Variants in KMT2C observed in about 807,000 individuals in gnomAD.
The protein encoded by KMT2C is histone-lysine N-methyltransferase 2C.
Under a neutral mutation model 507.9 loss-of-function variants are expected in KMT2C, and 88 were observed. The observed-to-expected ratio is 0.17, with a 90% CI of 0.15 to 0.21. KMT2C has a LOEUF of 0.21. KMT2C is among the 10% of genes least tolerant of loss of function. The pLI is 1.00. For missense variants in KMT2C, 4,954 were observed against 5,957.8 expected (o/e 0.83, Z 5.55); for synonymous variants, 2,049 against 2,080.8 (o/e 0.98, Z 0.42).
At chr7:152,281,781 C>G (rs2096216524) in intron 6 of KMT2C, among the ~76,000 whole-genome samples, 1 of 151,884 alleles carries the variant, frequency 6.6e-6, no homozygotes, top group Admixed American at 6.6e-5. Context: ...CATCTAACCA[C>G]CACCATTTCA....
intron 1 of KMT2C, among the ~76,000 whole-genome samples, chr7:152,431,964 A>G (rs1225493478): frequency 3.3e-5 from 5 of 152,208 alleles, no homozygotes; most frequent in Non-Finnish European, 5.9e-5. Flanking sequence ...AAAAGGAGAA[A>G]TTTTGTTGGG....
chr7:152,248,664 T>C, intron 13 of KMT2C, 44 bp from the exon 14 acceptor site: 1 of 1,314,860 alleles, frequency 7.6e-7, no homozygotes, highest in Non-Finnish European at 1.1e-6. Context: ...ACAAACAAAT[T>C]TTAAATTTTC....
chr7:152,343,106 A>G (rs73730044), intron 2 of KMT2C, among the ~76,000 whole-genome samples: 5,820 of 152,238 alleles, frequency 0.038, 383 homozygotes, highest in African/African-American at 0.13. Flanking sequence ...ATTACAAGGT[A>G]TACTAAAAAG....
intron 1 of KMT2C, among the ~76,000 whole-genome samples, chr7:152,369,062 C>T (rs751218649): frequency 1.3e-5 from 2 of 151,998 alleles, no homozygotes; most frequent in Non-Finnish European, 2.9e-5. Flanking sequence ...GTGGCTCACA[C>T]CTGTAATCCC....
rs1048886135 is a variant in KMT2C at position 152,156,249 on chromosome 7, G to A, written c.11768C>T (p.Thr3923Ile). 16 of 1,614,040 alleles carry A rather than the reference G, an allele frequency of 9.9e-6. No individual in the cohort carries two copies. Among genetic ancestry groups the A allele is most frequent in the Non-Finnish European group, 1.4e-5 (16 of 1,180,038 alleles). The change falls in exon 45 of 59, where the codon ACT becomes ATT. Residue 3923 changes from threonine (T) to isoleucine (I), a missense_variant. Physicochemically the swap from Thr to Ile is moderately conservative, Grantham distance 89 (BLOSUM62 -1). Transcript: ENST00000262189. ...CQKMANGFAT[T>I]EELAGKAGVL... Reference sequence around the variant, plus strand: ...TCCGGCTTTTCCAGCAAGTTCTTCAGTTGTTGCAAAACCATTGGCCATCTT... The same window carrying A: ...TCCGGCTTTTCCAGCAAGTTCTTCAATTGTTGCAAAACCATTGGCCATCTT...
At chr7:152,259,800 C>T (rs1439643606) in intron 9 of KMT2C, among the ~76,000 whole-genome samples, 4 of 152,214 alleles carry the variant, frequency 2.6e-5, no homozygotes, top group Admixed American at 6.5e-5. Context: ...ACTGATTTGT[C>T]CCAACATCTC....
At chr7:152,400,455 A>C (rs985727581) in intron 1 of KMT2C, among the ~76,000 whole-genome samples, 2 of 152,234 alleles carry the variant, frequency 1.3e-5, no homozygotes, top group Admixed American at 6.5e-5. Flanking sequence ...GGATAAAAGA[A>C]GGCTCTAAAG....
At chr7:152,314,031 T>C (rs543646356) in intron 4 of KMT2C, among the ~76,000 whole-genome samples, 1 of 152,274 alleles carries the variant, frequency 6.6e-6, no homozygotes, top group Middle Eastern at 3.4e-3. Context: ...CTTTTGATTA[T>C]TTTATTAAGA....
chr7:152,325,233 C>T (rs141804787), intron 3 of KMT2C, among the ~76,000 whole-genome samples: 40 of 151,844 alleles, frequency 2.6e-4, no homozygotes, highest in Admixed American at 8.5e-4. Flanking sequence ...CTCACTGCAA[C>T]GTCCACCTCC....
In KMT2C at chr7:152,336,550, T is replaced by C. The variant is rs570193906; in HGVS notation, c.251-5811A>G. 1.0e-3 allele frequency among the ~76,000 whole-genome samples: 156 copies of C among 152,262 alleles called. 1 individual carries two copies. Among genetic ancestry groups the C allele is most frequent in the African/African-American group, 3.7e-3 (152 of 41,548 alleles). On this transcript the variant is annotated intron_variant, in intron 2 of 58. Coordinates refer to ENST00000262189, the MANE Select transcript of KMT2C (RefSeq NM_170606.3). ...GATGCCAGTACTTAATTATCTCCAG[T>C]TTATTATTAAAAATGTACTCTTGAA...
At chr7:152,322,177 A>G (rs1563855295) in intron 3 of KMT2C, among the ~76,000 whole-genome samples, 1 of 151,926 alleles carries the variant, frequency 6.6e-6, no homozygotes, top group East Asian at 1.9e-4. Flanking sequence ...AGCCTGGGCA[A>G]CATGGTGAAA....
At chr7:152,421,331 C>T (rs1249814789) in intron 1 of KMT2C, among the ~76,000 whole-genome samples, 1 of 152,184 alleles carries the variant, frequency 6.6e-6, no homozygotes, top group East Asian at 1.9e-4. Context: ...GTCAAAAGCA[C>T]TTTGGGGATT....
chr7:152,362,289 G>C (rs2097203408), intron 1 of KMT2C, among the ~76,000 whole-genome samples: 1 of 152,132 alleles, frequency 6.6e-6, no homozygotes, highest in Non-Finnish European at 1.5e-5. Context: ...CAAAATTCTT[G>C]AGATGAGAGC....
In KMT2C at chr7:152,313,607, AC is replaced by A. The variant is rs535139474; in HGVS notation, c.590+1530del. 1.7e-3 allele frequency among the ~76,000 whole-genome samples: 254 copies of A among 152,282 alleles called. 1 individual carries two copies. The highest frequency in any genetic ancestry group is 5.6e-3 in the African/African-American group (232 of 41,588). On this transcript the variant is annotated intron_variant, in intron 4 of 58. Transcript: ENST00000262189. ...GAAAATGAGCAAAGACATTTTCAAA[AC>A]CTTTGTAAAATTGTTTTTTAAATTA... is the stretch of plus-strand genomic sequence containing the variant.
At chr7:152,342,402 T>C (rs1024659567) in intron 2 of KMT2C, among the ~76,000 whole-genome samples, 1 of 152,210 alleles carries the variant, frequency 6.6e-6, no homozygotes, top group Admixed American at 6.5e-5. Context: ...TTATAATCCA[T>C]TCCACTATAG....
intron 5 of KMT2C, among the ~76,000 whole-genome samples, chr7:152,310,485 A>G (rs897595584): frequency 1.3e-5 from 2 of 152,112 alleles, no homozygotes; most frequent in East Asian, 3.9e-4. Context: ...GAATCGCTTG[A>G]ACCCAGGGGA....
chr7:152,363,678 G>A (rs973614406), intron 1 of KMT2C, among the ~76,000 whole-genome samples: 1 of 152,118 alleles, frequency 6.6e-6, no homozygotes, highest in Non-Finnish European at 1.5e-5. Context: ...GCTGAAATGA[G>A]AAGACAGAAA....
At chr7:152,155,847 T>C (rs2092008726) in intron 46 of KMT2C, 63 bp downstream of exon 46, 1 of 1,478,154 alleles carries the variant, frequency 6.8e-7, no homozygotes. Context: ...GCCACATACA[T>C]ACATTTATTT....
At chr7:152,139,396 G>C in intron 56 of KMT2C, 137 bp from the exon 57 acceptor site, 1 of 748,012 alleles carries the variant, frequency 1.3e-6, no homozygotes, top group Non-Finnish European at 2.2e-6. Context: ...ATTCTATTAG[G>C]CACAGATGAC....
Sources: gnomAD v4.1 joint callset for allele counts (sites outside exome capture counted in the v4.1 genomes callset) on GRCh38, gnomAD v4.1.1 for gene constraint, MANE v1.5 for transcripts, NCBI Gene and HGNC (gene_info 2026-07-23, HGNC 2026-07-21) for gene names.